WASHC5: variants seen among roughly 807,000 people sequenced by gnomAD.
WASHC5 encodes WASH complex subunit 5.
A neutral mutation model predicts 150.4 loss-of-function variants in WASHC5; 101 were observed. That is an observed-to-expected ratio of 0.67 (90% CI 0.57 to 0.79). WASHC5 has a LOEUF of 0.79. WASHC5 is among the 30% of genes least tolerant of loss of function. The pLI is 0.00. For synonymous variants in WASHC5, 467 were observed against 491.2 expected (o/e 0.95, Z 0.65); for missense variants, 1,195 against 1,396.3 (o/e 0.86, Z 2.30).
chr8:125,068,120 T>C (rs1162792766), intron 9 of WASHC5, among the ~76,000 whole-genome samples: 1 of 152,164 alleles, frequency 6.6e-6, no homozygotes, highest in African/African-American at 2.4e-5. Context: ...CATTGATCCC[T>C]GCCATTCAGT....
At chr8:125,076,794 T>C (rs1259718049) in intron 6 of WASHC5, among the ~76,000 whole-genome samples, 1 of 148,956 alleles carries the variant, frequency 6.7e-6, no homozygotes, top group East Asian at 2.0e-4. Context: ...CACTTCTCCA[T>C]TTTTGTATCT....
chr8:125,032,498 G>A (rs186581707), intron 26 of WASHC5, 104 bp from the exon 27 acceptor site: 16 of 1,250,956 alleles, frequency 1.3e-5, no homozygotes, highest in African/African-American at 1.2e-4. Flanking sequence ...CCATATTCTC[G>A]CTGGCAGATG....
chr8:125,082,506 T>C (rs868855359), intron 3 of WASHC5, 39 bp from the exon 4 acceptor site: 23 of 1,128,052 alleles, frequency 2.0e-5, no homozygotes, highest in Admixed American at 1.4e-4. Context: ...TAATTTATAA[T>C]AGAAACTTTA....
At chr8:125,050,448 T>C (rs930587574) in intron 18 of WASHC5, 116 bp downstream of exon 18, 6 of 632,588 alleles carry the variant, frequency 9.5e-6, no homozygotes, top group African/African-American at 7.2e-5. Context: ...AATCACATAT[T>C]TGATATACGT....
chr8:125,039,964 A>T lies in WASHC5; in HGVS notation c.2851-66T>A, dbSNP rs988132492. 2.9e-6 allele frequency: 3 copies of T among 1,023,746 alleles called. No individual in the cohort carries two copies. In the African/African-American group the frequency reaches 4.7e-5, roughly 16 times the overall value. The allele number at this position is 1,023,746 out of a possible 1,614,324, so 63.4% of individuals were successfully genotyped here. On this transcript the variant is annotated intron_variant, in intron 23 of 28. Transcript: ENST00000318410. ...CATTTCAGAGTGACAGTGAGGAGGT[A>T]AACACAAAGATGACAATTCTTCACT...
chr8:125,032,074 AC>A (rs570989418), intron 27 of WASHC5, among the ~76,000 whole-genome samples, 166 bp downstream of exon 27: 3 of 152,178 alleles, frequency 2.0e-5, no homozygotes, highest in Non-Finnish European at 4.4e-5. Context: ...GGATGGACAC[AC>A]CTGTAATTGC....
At chr8:125,073,424 T>A in intron 8 of WASHC5, 100 bp from the exon 9 acceptor site, 1 of 999,558 alleles carries the variant, frequency 1.0e-6, no homozygotes. Context: ...CATTTCTATA[T>A]AGGATGAATG....
intron 10 of WASHC5, among the ~76,000 whole-genome samples, chr8:125,064,142 T>G (rs1159690838): frequency 6.6e-6 from 1 of 151,776 alleles, no homozygotes; most frequent in African/African-American, 2.4e-5. Context: ...TTATACAAGT[T>G]TAATTGTTTA....
At chr8:125,038,724 G>T in intron 25 of WASHC5, 106 bp downstream of exon 25, 1 of 1,321,742 alleles carries the variant, frequency 7.6e-7, no homozygotes, top group Non-Finnish European at 1.1e-6. Flanking sequence ...GAAGGCTCTG[G>T]GGTCTGAACC....
At position 125,061,142 on chromosome 8, in the gene WASHC5, A is replaced by C; in HGVS notation, c.1461T>G (p.Asn487Lys). 1 of 1,612,758 alleles carries C rather than the reference A, an allele frequency of 6.2e-7. No individual in the cohort carries two copies. The highest frequency in any genetic ancestry group is 8.5e-7 in the Non-Finnish European group (1 of 1,178,822). The change falls in exon 12 of 29, where the codon AAT becomes AAG. Residue 487 changes from asparagine (N) to lysine (K), a missense_variant. Physicochemically the swap from Asn to Lys is moderately conservative, Grantham distance 94. Transcript: ENST00000318410. ...REISKQILSL[N>K]YDDSTAAGRK... ...TGCCCGCAGCAGTAGAATCATCATA[A>C]TTTAAAGACAATATTTGTTTTGAGA...
chr8:125,079,250 G>A (rs1440726516), intron 5 of WASHC5, among the ~76,000 whole-genome samples: 1 of 135,662 alleles, frequency 7.4e-6, no homozygotes, highest in Admixed American at 7.6e-5. Flanking sequence ...GGAGTGCAGT[G>A]GCGTGATCTC....
In WASHC5 at chr8:125,082,378, C is replaced by G. The variant is rs1224577441; in HGVS notation, c.417+5G>C. The G allele has an allele frequency of 6.9e-7, 1 of 1,445,072 alleles. No individual in the cohort carries two copies. The highest frequency in any genetic ancestry group is 1.4e-5 in the African/African-American group (1 of 71,406). The allele number at this position is 1,445,072 out of a possible 1,614,324, so 89.5% of individuals were successfully genotyped here. A position where few individuals can be genotyped will look rare whatever the true frequency, so the allele number is the denominator to read the frequency against. ...ATTTCATTTTAAATAATCATTATTA[C>G]TTACTAGAAGTTGTTTTCCATCTTC... On this transcript the variant is annotated splice_donor_5th_base_variant and intron_variant, in intron 4 of 28. Transcript: ENST00000318410.
intron 23 of WASHC5, among the ~76,000 whole-genome samples, chr8:125,041,449 T>C (rs921900374): frequency 6.6e-6 from 1 of 152,118 alleles, no homozygotes; most frequent in African/African-American, 2.4e-5. Flanking sequence ...AGACCAAGCC[T>C]GGCCAAAATG....
chr8:125,059,751 GT>G (rs1816534397), intron 12 of WASHC5, among the ~76,000 whole-genome samples: 1 of 152,136 alleles, frequency 6.6e-6, no homozygotes, highest in African/African-American at 2.4e-5. Context: ...TGCTTATTGT[GT>G]ATATCACAAC....
rs752142468 is a variant in WASHC5, at chr8:125,024,685, A to C, written c.3424-12T>G. 6.3e-7 allele frequency: 1 copy of C among 1,582,742 alleles called. No individual in the cohort carries two copies. The highest frequency in any genetic ancestry group is 8.7e-7 in the Non-Finnish European group (1 of 1,151,626). On this transcript the variant is annotated splice_polypyrimidine_tract_variant and intron_variant, in intron 28 of 28. Coordinates refer to ENST00000318410, the MANE Select transcript of WASHC5 (RefSeq NM_014846.4). Reference sequence around the variant, plus strand: ...TGTGCTTCAGCAACCTGAAAAATTAAAGAATTAAATTATTCATGGTGTTAT... The same window carrying C: ...TGTGCTTCAGCAACCTGAAAAATTACAGAATTAAATTATTCATGGTGTTAT...
intron 23 of WASHC5, 150 bp downstream of exon 23, chr8:125,043,675 A>G: frequency 1.5e-6 from 1 of 666,246 alleles, no homozygotes. Context: ...AAACAAAATG[A>G]ATTTTAAAAT....
At position 125,052,608 on chromosome 8, in the gene WASHC5, CT is replaced by C. The variant is rs1347327858; in HGVS notation, c.2098-1944del. On this transcript the variant is annotated intron_variant, in intron 17 of 28. Transcript: ENST00000318410. ...GTTGCATGCATGTATATCACACACA[CT>C]ACACACACACACACACACACACACA... Among the ~76,000 whole-genome samples the C allele has an allele frequency of 6.8e-5, 3 of 44,416 alleles. No homozygotes were observed. In the Admixed American group the frequency reaches 1.1e-3, roughly 17 times the overall value. 29.1% of individuals were successfully genotyped at this position (44,416 alleles called of 152,430 possible).
chr8:125,041,465 ACT>A (rs1311506776), intron 23 of WASHC5, among the ~76,000 whole-genome samples: 1 of 151,830 alleles, frequency 6.6e-6, no homozygotes, highest in South Asian at 2.1e-4. Flanking sequence ...AAATGGTAAA[ACT>A]CTGTTTCTAC....
intron 8 of WASHC5, among the ~76,000 whole-genome samples, chr8:125,073,682 T>C (rs914281540): frequency 6.6e-6 from 1 of 152,212 alleles, no homozygotes; most frequent in African/African-American, 2.4e-5. Flanking sequence ...GAATAACATA[T>C]GGACTATACT....
Sources: gnomAD v4.1 joint callset for allele counts (sites outside exome capture counted in the v4.1 genomes callset) on GRCh38, gnomAD v4.1.1 for gene constraint, MANE v1.5 for transcripts, NCBI Gene and HGNC (gene_info 2026-07-23, HGNC 2026-07-21) for gene names.